Variants in HS1BP3 observed in about 807,000 individuals in gnomAD.
HS1BP3 encodes HCLS1-binding protein 3.
In HS1BP3, 32 loss-of-function variants were observed where a neutral mutation model predicts 33.5. The ratio of observed to expected loss-of-function variants is 0.95; its 90% CI spans 0.72 to 1.28. HS1BP3 has a LOEUF of 1.28. Among genes scored for constraint, HS1BP3 ranks in the 50% most tolerant of loss-of-function variants. The probability of loss-of-function intolerance (pLI) is 0.00; values close to 1 mark genes in which losing one functional copy is unlikely to be tolerated. For synonymous variants in HS1BP3, 187 were observed against 209.2 expected, an observed-to-expected ratio of 0.89 and a Z score of 0.92; for missense variants, 486 against 502.3, an observed-to-expected ratio of 0.97 and a Z score of 0.31.
chr2:20,619,386 T>C, intron 6 of HS1BP3, 141 bp from the exon 7 acceptor site: 1 of 700,976 alleles, frequency 1.4e-6, no homozygotes, highest in Non-Finnish European at 2.3e-6. Context: ...CCCGCCCTGC[T>C]CTGCCCCATT....
intron 2 of HS1BP3, among the ~76,000 whole-genome samples, chr2:20,600,162 CGCTT>C (rs1302722715): frequency 6.6e-6 from 1 of 152,128 alleles, no homozygotes. Context: ...TTTCTTGCCA[CGCTT>C]GGGAATGAAC....
chr2:20,601,547 G>A (rs1404601677), intron 2 of HS1BP3, among the ~76,000 whole-genome samples: 5 of 152,036 alleles, frequency 3.3e-5, no homozygotes, highest in African/African-American at 1.2e-4. Context: ...CATGGGGGCG[G>A]GTCTTTCCTG....
At chr2:20,557,872 G>T (rs1014040351), downstream of HS1BP3, among the ~76,000 whole-genome samples, 1 of 152,186 alleles carries the variant, frequency 6.6e-6, no homozygotes, top group Non-Finnish European at 1.5e-5. Context: ...GTTCCCCAAG[G>T]GGTCCTCAAA....
At chr2:20,607,969 C>T (rs1694234754) in intron 2 of HS1BP3, among the ~76,000 whole-genome samples, 1 of 152,108 alleles carries the variant, frequency 6.6e-6, no homozygotes, top group Non-Finnish European at 1.5e-5. Flanking sequence ...TCTTCCCCTC[C>T]CTTTGTTAAA....
chr2:20,604,626 T>C (rs993471494), intron 2 of HS1BP3, among the ~76,000 whole-genome samples: 1 of 152,160 alleles, frequency 6.6e-6, no homozygotes, highest in Non-Finnish European at 1.5e-5. Context: ...ATTACCCTTT[T>C]TATAGATGAG....
intron 5 of HS1BP3, among the ~76,000 whole-genome samples, chr2:20,572,531 T>G (rs78955668): frequency 0.011 from 1,733 of 152,314 alleles, 18 homozygotes; most frequent in Non-Finnish European, 0.018. Context: ...TTATTTTGTT[T>G]TTTTTTCTCA....
intron 5 of HS1BP3, among the ~76,000 whole-genome samples, chr2:20,570,600 TATG>T (rs1693243331): frequency 6.6e-6 from 1 of 152,182 alleles, no homozygotes; most frequent in South Asian, 2.1e-4. Flanking sequence ...CTAATTGCCT[TATG>T]ATAATTCTAG....
Position 20,645,218 on chromosome 2 carries a change from G to A in HS1BP3, c.198+122C>T. On this transcript the variant is annotated intron_variant, in intron 2 of 6. Transcript: ENST00000304031. ...AGCATGGTCTGGTACTCCAGGCCCT[G>A]AGCAAGCAACAGACAGAGAAGCACT... The A allele has an allele frequency of 4.0e-6, 4 of 988,042 alleles. No individual in the cohort carries two copies. In the South Asian group the frequency reaches 6.4e-5, roughly 16 times the overall value. 61.2% of individuals were successfully genotyped at this position (988,042 alleles called of 1,614,324 possible).
chr2:20,558,340 C>T (rs536893924), downstream of HS1BP3, among the ~76,000 whole-genome samples: 93 of 152,274 alleles, frequency 6.1e-4, no homozygotes, highest in Middle Eastern at 6.8e-3. Flanking sequence ...GAGGCTGAAC[C>T]GCTTGCGGCC....
At chr2:20,649,818 G>A (rs906482959) in intron 1 of HS1BP3, among the ~76,000 whole-genome samples, 3 of 152,158 alleles carry the variant, frequency 2.0e-5, no homozygotes, top group Non-Finnish European at 2.9e-5. Flanking sequence ...CACCGCCAGC[G>A]CCCCCACATC....
At chr2:20,627,445 G>A (rs981623620) in intron 4 of HS1BP3, among the ~76,000 whole-genome samples, 3 of 152,338 alleles carry the variant, frequency 2.0e-5, no homozygotes, top group African/African-American at 7.2e-5. Flanking sequence ...CAAGGGAAGC[G>A]AGAGAGAACA....
chr2:20,640,559 G>T lies in HS1BP3; in HGVS notation c.406+414C>A, dbSNP rs1572359531. The T allele has an allele frequency of 1.4e-5, 6 of 441,320 alleles. No homozygotes were observed. The East Asian group carries it at 1.9e-4, about 14-fold the overall frequency. The allele number at this position is 441,320 out of a possible 1,614,324, so 27.3% of individuals were successfully genotyped here. ...TCCCCAGGGGCAGGTCACCAGCCAGGCTGTGAGAACACAGCTTTCCCGGGA... is the reference window on the plus strand; with the variant it reads ...TCCCCAGGGGCAGGTCACCAGCCAGTCTGTGAGAACACAGCTTTCCCGGGA... On this transcript the variant is annotated intron_variant, in intron 3 of 6. Transcript: ENST00000304031.
Position 20,626,544 on chromosome 2 carries a change from T to C in HS1BP3, c.624-1652A>G, listed in dbSNP as rs552989625. Among the ~76,000 whole-genome samples, 68 of 152,296 alleles carry C rather than the reference T, an allele frequency of 4.5e-4. 1 individual carries two copies. Among genetic ancestry groups the C allele is most frequent in the African/African-American group, 1.6e-3 (66 of 41,562 alleles). ...TCCAAATGTCCCATGAGGAAGGTGA[T>C]ATAGGATGGCGCAGGGATAACAGGA... On this transcript the variant is annotated intron_variant, in intron 4 of 6. Transcript: ENST00000304031.
At chr2:20,638,375 A>G (rs1244149294) in intron 4 of HS1BP3, 61 bp downstream of exon 4, 2 of 1,480,906 alleles carry the variant, frequency 1.4e-6, no homozygotes, top group Admixed American at 3.7e-5. Flanking sequence ...GGGAAGGGGG[A>G]CGTCATCTCC....
intron 1 of HS1BP3, among the ~76,000 whole-genome samples, chr2:20,650,113 C>G (rs905869526): frequency 1.3e-5 from 2 of 152,192 alleles, no homozygotes; most frequent in Non-Finnish European, 2.9e-5. Context: ...CAGCCTCCGA[C>G]ATCAGGGTTT....
At chr2:20,594,454 A>G (rs1693899665) in intron 3 of HS1BP3, among the ~76,000 whole-genome samples, 2 of 152,216 alleles carry the variant, frequency 1.3e-5, no homozygotes, top group African/African-American at 4.8e-5. Context: ...GAAGGCATCA[A>G]TGACCCAATG....
chr2:20,561,874 G>A (rs190393214), intron 5 of HS1BP3, among the ~76,000 whole-genome samples: 16 of 152,266 alleles, frequency 1.1e-4, no homozygotes, highest in Non-Finnish European at 4.4e-5. Flanking sequence ...TTACCAGAAA[G>A]AACAAGACGT....
chr2:20,554,135 A>G, the HS1BP3 span, among the ~76,000 whole-genome samples: 55 of 152,180 alleles, frequency 3.6e-4, no homozygotes, highest in Non-Finnish European at 6.5e-4. Flanking sequence ...AATAAGCAGG[A>G]ACTATGCCTG....
intron 3 of HS1BP3, chr2:20,640,613 G>A: frequency 4.1e-6 from 2 of 487,610 alleles, no homozygotes; most frequent in Non-Finnish European, 7.4e-6. Context: ...CTGGTTGGAG[G>A]AGGCAGAGGG....
Sources: allele counts gnomAD v4.1 joint callset (sites outside exome capture counted in the v4.1 genomes callset), GRCh38; gene constraint gnomAD v4.1.1; transcripts MANE v1.5; gene names NCBI Gene and HGNC (gene_info 2026-07-23, HGNC 2026-07-21).